Variants in TANC1 observed in about 807,000 individuals in gnomAD.
The protein encoded by TANC1 is protein TANC1.
A neutral mutation model predicts 149.7 loss-of-function variants in TANC1; 77 were observed. The observed-to-expected ratio is 0.51, with a 90% confidence interval of 0.43 to 0.62. TANC1 has a LOEUF of 0.62. Ranked by LOEUF, TANC1 falls within the 20% of genes least tolerant of loss-of-function variation. The probability of loss-of-function intolerance (pLI) is 0.00; values close to 1 mark genes in which losing one functional copy is unlikely to be tolerated. For synonymous variants in TANC1, 854 were observed against 925.0 expected (o/e 0.92, Z 1.39); for missense variants, 1,985 against 2,321.8 (o/e 0.85, Z 2.98).
At chr2:159,148,043 C>T (rs1034548827) in intron 5 of TANC1, 11 of 152,172 alleles carry the variant, frequency 7.2e-5, no homozygotes, top group African/African-American at 2.7e-4. Flanking sequence ...GTGTTGTTTC[C>T]TCATTTTATT....
At chr2:159,163,682 C>A in intron 8 of TANC1, 136 bp downstream of exon 8, 1 of 844,988 alleles carries the variant, frequency 1.2e-6, no homozygotes, top group Non-Finnish European at 1.8e-6. Flanking sequence ...CTTTTCTAAG[C>A]CTCAGTTTAC....
At chr2:159,213,420 C>A (rs140064321) in intron 19 of TANC1, among the ~76,000 whole-genome samples, 295 of 151,814 alleles carry the variant, frequency 1.9e-3, no homozygotes, top group African/African-American at 6.4e-3. Context: ...TATGGGAACC[C>A]CCCCACCTCT....
chr2:159,094,748 G>T (rs2045907056), intron 3 of TANC1, among the ~76,000 whole-genome samples: 1 of 148,164 alleles, frequency 6.7e-6, no homozygotes, highest in Non-Finnish European at 1.5e-5. Flanking sequence ...GCTAGCAAAA[G>T]AGGGTGGATG....
At chr2:159,171,782 A>G (rs1026216632) in intron 10 of TANC1, among the ~76,000 whole-genome samples, 1 of 149,364 alleles carries the variant, frequency 6.7e-6, no homozygotes, top group African/African-American at 2.5e-5. Flanking sequence ...ACCTGAACCC[A>G]GGAGGTCGAG....
chr2:159,007,929 T>C (rs1317880278), intron 2 of TANC1, among the ~76,000 whole-genome samples: 1 of 152,216 alleles, frequency 6.6e-6, no homozygotes, highest in African/African-American at 2.4e-5. Context: ...CTCACCCTTA[T>C]TGTGGAATAT....
chr2:159,060,468 A>G (rs989009415), intron 2 of TANC1, among the ~76,000 whole-genome samples: 1 of 152,232 alleles, frequency 6.6e-6, no homozygotes, highest in African/African-American at 2.4e-5. Context: ...CTAATATCTC[A>G]TTGTCTGATG....
intron 2 of TANC1, among the ~76,000 whole-genome samples, chr2:159,031,767 G>A (rs1374753515): frequency 1.3e-5 from 2 of 152,192 alleles, no homozygotes; most frequent in Non-Finnish European, 2.9e-5. Context: ...GATATGTGAG[G>A]TGAGGTTGCT....
intron 7 of TANC1, 130 bp downstream of exon 7, chr2:159,150,686 C>G: frequency 1.5e-6 from 1 of 659,140 alleles, no homozygotes; most frequent in East Asian, 2.7e-5. Context: ...CTGTTCTTTG[C>G]AGGCAGCACT....
At chr2:159,023,977 A>C (rs891168252) in intron 2 of TANC1, among the ~76,000 whole-genome samples, 1 of 152,088 alleles carries the variant, frequency 6.6e-6, no homozygotes, top group African/African-American at 2.4e-5. Context: ...CAAAAAAAAA[A>C]AAAAAATTGT....
intron 5 of TANC1, among the ~76,000 whole-genome samples, chr2:159,142,199 G>A (rs1217505815): frequency 2.0e-5 from 3 of 152,208 alleles, no homozygotes; most frequent in Non-Finnish European, 2.9e-5. Context: ...TTAATTCAGA[G>A]GTTCTGACAG....
intron 19 of TANC1, among the ~76,000 whole-genome samples, chr2:159,213,898 G>A (rs796611195): frequency 8.5e-5 from 13 of 152,194 alleles, no homozygotes; most frequent in African/African-American, 3.1e-4. Flanking sequence ...GGCTAAGGTG[G>A]GCAGATCACC....
chr2:159,173,030 A>G (rs1425951372), intron 11 of TANC1, among the ~76,000 whole-genome samples: 3 of 152,056 alleles, frequency 2.0e-5, no homozygotes, highest in Non-Finnish European at 4.4e-5. Flanking sequence ...TCTTGGCGCC[A>G]TCACCCCTGA....
intron 4 of TANC1, among the ~76,000 whole-genome samples, chr2:159,105,327 T>C (rs1379218456): frequency 6.6e-6 from 1 of 152,192 alleles, no homozygotes; most frequent in African/African-American, 2.4e-5. Flanking sequence ...TAGCATGTTA[T>C]AATTTGTTTT....
intron 19 of TANC1, among the ~76,000 whole-genome samples, chr2:159,209,978 G>A (rs1224460180): frequency 3.3e-5 from 5 of 152,146 alleles, no homozygotes; most frequent in African/African-American, 1.2e-4. Context: ...ATAATAGGAA[G>A]TAAATTGCAC....
chr2:159,096,222 C>T (rs1003601370), intron 3 of TANC1, among the ~76,000 whole-genome samples: 11 of 149,894 alleles, frequency 7.3e-5, no homozygotes, highest in East Asian at 3.9e-4. Context: ...TACTAACGAG[C>T]GGGGAAGGTG....
chr2:159,176,436 C>G lies in TANC1; in HGVS notation c.1820C>G (p.Thr607Arg). Residue 607 changes from threonine (T) to arginine (R), a missense_variant, in exon 13 of 27, where the codon ACG becomes AGG. This residue lies in a region of TANC1 where 508 missense variants were observed against 714.2 expected (regional missense o/e 0.71). Transcript: ENST00000263635. ...AEFHKPDYGDTLSSFITKIIS... is the reference protein window; with the variant it reads ...AEFHKPDYGDRLSSFITKIIS... ...TTTCATAAACCTGATTATGGAGATA[C>G]GCTTTCTTCATTTATTACCAAAATT... 6.3e-7 allele frequency: 1 copy of G among 1,591,882 alleles called. No homozygotes were observed. Among genetic ancestry groups the G allele is most frequent in the Non-Finnish European group, 8.6e-7 (1 of 1,166,508 alleles).
intron 19 of TANC1, among the ~76,000 whole-genome samples, chr2:159,216,310 A>T (rs1207388949): frequency 6.6e-6 from 1 of 152,114 alleles, no homozygotes; most frequent in Non-Finnish European, 1.5e-5. Flanking sequence ...TGGAAACTGG[A>T]AATATATAGG....
chr2:159,196,878 G>A, intron 18 of TANC1, 85 bp downstream of exon 18: 2 of 1,329,666 alleles, frequency 1.5e-6, no homozygotes, highest in Non-Finnish European at 2.0e-6. Flanking sequence ...CCGAAAGAAG[G>A]AGGATGCCAA....
At chr2:159,032,345 G>T (rs921883779) in intron 2 of TANC1, among the ~76,000 whole-genome samples, 1 of 152,160 alleles carries the variant, frequency 6.6e-6, no homozygotes, top group African/African-American at 2.4e-5. Context: ...GTTGGATACA[G>T]TCCCCATTCC....
Sources: allele counts gnomAD v4.1 joint callset (sites outside exome capture counted in the v4.1 genomes callset), GRCh38; gene constraint gnomAD v4.1.1; regional missense constraint gnomAD v4.1.1; transcripts MANE v1.5; gene names NCBI Gene and HGNC (gene_info 2026-07-23, HGNC 2026-07-21).